The following ATP10B variants were observed in gnomAD, a reference collection of about 807,000 sequenced individuals.
ATP10B encodes the protein phospholipid-transporting ATPase VB.
Under a neutral mutation model 141.2 loss-of-function variants are expected in ATP10B, and 122 were observed. The ratio of observed to expected loss-of-function variants is 0.86; its 90% confidence interval spans 0.75 to 1.00. ATP10B has a LOEUF of 1.00. Ranked by LOEUF, ATP10B falls within the 50% of genes least tolerant of loss-of-function variation. The probability of loss-of-function intolerance (pLI) is 0.00; values close to 1 mark genes in which losing one functional copy is unlikely to be tolerated. For missense variants in ATP10B, 1,876 were observed against 1,825.3 expected (o/e 1.03, Z -0.51); for synonymous variants, 685 against 692.0 (o/e 0.99, Z 0.16).
chr5:160,904,807 C>T, the ATP10B span, among the ~76,000 whole-genome samples: 1 of 152,182 alleles, frequency 6.6e-6, no homozygotes, highest in Non-Finnish European at 1.5e-5. Flanking sequence ...AGACCTTATG[C>T]TTCCCATAGA....
At chr5:160,671,996 A>G (rs1230249220) in intron 6 of ATP10B, among the ~76,000 whole-genome samples, 5 of 13,546 alleles carry the variant, frequency 3.7e-4, no homozygotes, top group East Asian at 1.2e-3. Context: ...TTTTTTTTTG[A>G]GACAGAGTCT....
intron 8 of ATP10B, among the ~76,000 whole-genome samples, chr5:160,647,433 T>C (rs1352724030): frequency 6.6e-6 from 1 of 152,026 alleles, no homozygotes; most frequent in Non-Finnish European, 1.5e-5. Context: ...GGCCCAGTCA[T>C]GTGGAGGAAG....
In ATP10B at chr5:160,767,451, C is replaced by T. The variant is rs184538926; in HGVS notation, c.-331+18108G>A. 4.2e-4 allele frequency among the ~76,000 whole-genome samples: 64 copies of T among 152,172 alleles called. 1 individual carries two copies. Among genetic ancestry groups the T allele is most frequent in the African/African-American group, 1.3e-3 (55 of 41,518 alleles). ...GCGACTGTGCTTCAGAGATATTAAG[C>T]GTATTTTCTGAGCTCACAGTGCTAT... On this transcript the variant is annotated intron_variant, in intron 2 of 25. Transcript: ENST00000327245.
Position 160,649,215 on chromosome 5 carries a change from C to T in ATP10B, c.717G>A (p.Val239=). 2.5e-6 allele frequency: 4 copies of T among 1,614,004 alleles called. No individual in the cohort carries two copies. The highest frequency in any genetic ancestry group is 1.3e-5 in the African/African-American group (1 of 75,024). Residue 239 remains valine, a synonymous_variant, in exon 8 of 26, where the codon GTG becomes GTA. Coordinates refer to ENST00000327245, the MANE Select transcript of ATP10B (RefSeq NM_025153.3). ...TGAGGTGGTTGTTGGGTTTCTCACA[C>T]ACGATGGTATTGTGGAAAAGCTCTG... is the stretch of plus-strand genomic sequence containing the variant. ...FEPELFHNTI[V]CEKPNNHLNK... is the part of the protein sequence containing the mutation.
At chr5:160,775,639 G>C (rs1365290436) in intron 2 of ATP10B, among the ~76,000 whole-genome samples, 2 of 150,948 alleles carry the variant, frequency 1.3e-5, no homozygotes, top group African/African-American at 4.9e-5. Context: ...CTAGCTACAT[G>C]GGTTCAAGAA....
At chr5:160,729,815 GGA>G (rs1361862241) in intron 2 of ATP10B, among the ~76,000 whole-genome samples, 3 of 152,144 alleles carry the variant, frequency 2.0e-5, no homozygotes, top group South Asian at 2.1e-4. Flanking sequence ...GGTGGAAACA[GGA>G]GAGAGAGTGA....
At chr5:160,860,652 A>C in the ATP10B span, among the ~76,000 whole-genome samples, 2 of 151,996 alleles carry the variant, frequency 1.3e-5, no homozygotes, top group Admixed American at 1.3e-4. Flanking sequence ...GCCTTAGTGG[A>C]TAACTTTTTG....
chr5:160,607,690 A>T (rs1373417739), intron 18 of ATP10B, among the ~76,000 whole-genome samples: 4 of 152,226 alleles, frequency 2.6e-5, no homozygotes, highest in African/African-American at 9.6e-5. Context: ...TGAAGCATTG[A>T]TCACATTGGT....
the ATP10B span, among the ~76,000 whole-genome samples, chr5:160,892,231 T>G: frequency 6.6e-5 from 10 of 152,214 alleles, no homozygotes; most frequent in Admixed American, 3.9e-4. Context: ...ATTCACGTGA[T>G]CTGGCTCCTG....
chr5:160,708,440 G>A (rs983966733), intron 3 of ATP10B, among the ~76,000 whole-genome samples: 3 of 152,076 alleles, frequency 2.0e-5, no homozygotes, highest in Non-Finnish European at 2.9e-5. Flanking sequence ...AGTTGTACAC[G>A]TGAGGATTTG....
chr5:160,882,151 A>C, the ATP10B span, among the ~76,000 whole-genome samples: 2 of 152,176 alleles, frequency 1.3e-5, no homozygotes, highest in Admixed American at 6.5e-5. Context: ...GGACAGTGAA[A>C]ATGTTTTTTG....
At chr5:160,728,910 G>A (rs951621722) in intron 2 of ATP10B, among the ~76,000 whole-genome samples, 15 of 152,314 alleles carry the variant, frequency 9.8e-5, no homozygotes, top group African/African-American at 3.6e-4. Context: ...TGGGTATGTG[G>A]GTCAAGCCCA....
chr5:160,823,752 T>C (rs1581604361), intron 1 of ATP10B, among the ~76,000 whole-genome samples: 1 of 151,996 alleles, frequency 6.6e-6, no homozygotes, highest in South Asian at 2.1e-4. Context: ...GAGAATGGCA[T>C]GAACCCAGTA....
chr5:160,827,027 A>G (rs1774658213), intron 1 of ATP10B, among the ~76,000 whole-genome samples: 1 of 152,090 alleles, frequency 6.6e-6, no homozygotes. Context: ...GAAGCACGTG[A>G]TCTTTGTTCT....
the ATP10B span, among the ~76,000 whole-genome samples, chr5:160,900,077 G>A: frequency 6.6e-6 from 1 of 152,110 alleles, no homozygotes; most frequent in African/African-American, 2.4e-5. Context: ...CTCAGACACA[G>A]ATCAGTAGCT....
chr5:160,670,689 G>A (rs1467191689), intron 6 of ATP10B, 22 bp from the exon 7 acceptor site: 7 of 1,605,416 alleles, frequency 4.4e-6, no homozygotes, highest in Non-Finnish European at 6.0e-6. Context: ...GAAAGACAGG[G>A]TGTGAGTGAG....
chr5:160,653,002 A>G (rs1482357339), intron 7 of ATP10B, among the ~76,000 whole-genome samples: 3 of 105,380 alleles, frequency 2.8e-5, no homozygotes. Context: ...ATATTTATAT[A>G]TTATATATAT....
rs1762629808 is a variant in ATP10B, at chr5:160,670,639, A to C, written c.499T>G (p.Trp167Gly). The C allele has an allele frequency of 1.2e-6, 2 of 1,613,770 alleles. No individual in the cohort carries two copies. Among genetic ancestry groups the C allele is most frequent in the Non-Finnish European group, 1.7e-6 (2 of 1,179,814 alleles). ...RKEQTYVQKC[W>G]KDVRVGDFIQ... ...AAGTCTCCCACGCGCACATCCTTCC[A>C]GCACTTCTGCACATAGGTCTGCTCT... The change falls in exon 7 of 26, where the codon TGG becomes GGG. Residue 167 changes from tryptophan to glycine, a missense_variant. Coordinates refer to ENST00000327245, the MANE Select transcript of ATP10B (RefSeq NM_025153.3).
the ATP10B span, among the ~76,000 whole-genome samples, chr5:160,891,758 C>T: frequency 6.6e-6 from 1 of 152,132 alleles, no homozygotes; most frequent in South Asian, 2.1e-4. Context: ...TTTAAATGAC[C>T]CCTTGCAGTG....
Sources: gnomAD v4.1 joint callset for allele counts (sites outside exome capture counted in the v4.1 genomes callset) on GRCh38, gnomAD v4.1.1 for gene constraint, MANE v1.5 for transcripts, NCBI Gene and HGNC (gene_info 2026-07-23, HGNC 2026-07-21) for gene names.